HUWE1: variants seen among roughly 807,000 people sequenced by gnomAD.
HUWE1 encodes HECT, UBA and WWE domain containing E3 ubiquitin protein ligase 1.
A neutral mutation model predicts 299.4 loss-of-function variants in HUWE1; 18 were observed. That is an observed-to-expected ratio of 0.06 (90% CI 0.04 to 0.09). The LOEUF (loss-of-function observed/expected upper bound fraction) is 0.09. HUWE1 is among the 10% of genes least tolerant of loss of function. The pLI is 1.00. For synonymous variants in HUWE1, 1,317 were observed against 1,286.1 expected (o/e 1.02, Z -0.51); for missense variants, 1,832 against 3,462.3 (o/e 0.53, Z 11.82).
chrX:53,680,078 G>T lies in HUWE1; in HGVS notation c.-54C>A. ...AATCACAGCCAATCATACTCATCCT[G>T]GTGGGAAATTCCCCACACTGCTCCA... On this transcript the variant is annotated 5_prime_UTR_variant, in exon 3 of 84. Coordinates refer to ENST00000262854, the MANE Select transcript of HUWE1 (RefSeq NM_031407.7). 1 of 297,077 alleles carries T rather than the reference G, an allele frequency of 3.4e-6. No individual in the cohort carries two copies. The highest frequency in any genetic ancestry group is 5.9e-6 in the Non-Finnish European group (1 of 170,228). The allele number at this position is 297,077 out of a possible 1,213,427, so 24.5% of individuals were successfully genotyped here.
chrX:53,675,034 T>C (rs1190229143), intron 3 of HUWE1, among the ~76,000 whole-genome samples: 1 of 111,944 alleles, frequency 8.9e-6, no homozygotes, highest in Non-Finnish European at 1.9e-5. Context: ...ATTACTGTTT[T>C]ATAGATAAGA....
intron 69 of HUWE1, 39 bp downstream of exon 69, chrX:53,546,665 C>T (rs1299418043): frequency 8.3e-7 from 1 of 1,208,750 alleles, no homozygotes; most frequent in Non-Finnish European, 1.1e-6. Flanking sequence ...TTTATCCTTT[C>T]TCCCCAAGTC....
At chrX:53,543,529 GA>G (rs1293485717) in intron 73 of HUWE1, among the ~76,000 whole-genome samples, 1 of 110,397 alleles carries the variant, frequency 9.1e-6, no homozygotes, top group Admixed American at 9.7e-5. Context: ...CCATGGGACT[GA>G]AAAAAAACTT....
intron 76 of HUWE1, 134 bp downstream of exon 76, chrX:53,538,701 C>T (rs2061182032): frequency 2.5e-6 from 1 of 396,089 alleles, no homozygotes; most frequent in Non-Finnish European, 4.3e-6. Context: ...TGTATGTACA[C>T]ACACACACAC....
At chrX:53,576,246 T>C (rs1459057081) in intron 44 of HUWE1, among the ~76,000 whole-genome samples, 1 of 112,038 alleles carries the variant, frequency 8.9e-6, no homozygotes, top group Non-Finnish European at 1.9e-5. Flanking sequence ...TCATCAATTT[T>C]TGGCAATTCT....
chrX:53,559,467 C>T lies in HUWE1; in HGVS notation c.7802G>A (p.Arg2601Gln). The T allele has an allele frequency of 8.3e-7, 1 of 1,211,352 alleles. No individual in the cohort carries two copies. ...QLSSSLPLQS[R>Q]GRARLLVGND... ...GCCTACCAGGAGGCGGGCCCGACCC[C>T]GGCTTTGTAGGGGAAGGCTGCTGCT... is the stretch of plus-strand genomic sequence containing the variant. The change falls in exon 57 of 84, where the codon CGG (arginine) becomes CAG (glutamine). Residue 2601 changes from arginine (R) to glutamine (Q), a missense_variant. Physicochemically the swap from Arg to Gln is conservative, Grantham distance 43 (BLOSUM62 1). This residue lies in a region of HUWE1 where 170 missense variants were observed against 335.8 expected (regional missense o/e 0.51). Coordinates refer to ENST00000262854, the MANE Select transcript of HUWE1 (RefSeq NM_031407.7).
chrX:53,588,770 C>A (rs1345322787), intron 36 of HUWE1, among the ~76,000 whole-genome samples: 1 of 111,927 alleles, frequency 8.9e-6, no homozygotes, highest in Non-Finnish European at 1.9e-5. Flanking sequence ...AGCCTAAAAT[C>A]TAAGTTAAAG....
At chrX:53,640,113 C>T (rs1441542191) in intron 7 of HUWE1, among the ~76,000 whole-genome samples, 6 of 113,015 alleles carry the variant, frequency 5.3e-5, no homozygotes, top group African/African-American at 1.9e-4. Context: ...AATCCCAGCA[C>T]TTTGGGAGGC....
chrX:53,606,985 T>G (rs1556997261), intron 25 of HUWE1, among the ~76,000 whole-genome samples: 2 of 111,502 alleles, frequency 1.8e-5, no homozygotes, highest in African/African-American at 6.5e-5. Flanking sequence ...TTTACCACTA[T>G]GAAAAAATAA....
intron 3 of HUWE1, among the ~76,000 whole-genome samples, chrX:53,663,113 T>C (rs1557046200): frequency 8.9e-6 from 1 of 112,202 alleles, no homozygotes; most frequent in Non-Finnish European, 1.9e-5. Context: ...ATAGAGACAA[T>C]TTGACAAGCA....
chrX:53,577,162 G>C, intron 43 of HUWE1, 95 bp from the exon 44 acceptor site: 2 of 643,275 alleles, frequency 3.1e-6, no homozygotes, highest in Non-Finnish European at 5.2e-6. Context: ...GTATGATATA[G>C]AAGGCTTGAG....
chrX:53,560,086 C>G, intron 56 of HUWE1, 102 bp downstream of exon 56: 2 of 691,549 alleles, frequency 2.9e-6, no homozygotes, highest in Non-Finnish European at 4.5e-6. Flanking sequence ...ATGACAAGAA[C>G]ATTAAGTGAT....
chrX:53,679,176 A>G (rs2149629152), intron 3 of HUWE1, among the ~76,000 whole-genome samples: 1 of 111,636 alleles, frequency 9.0e-6, no homozygotes, highest in Non-Finnish European at 1.9e-5. Flanking sequence ...ATTGGAAGAA[A>G]AAAAAAACAA....
At chrX:53,643,355 CTT>C (rs797024550) in intron 7 of HUWE1, among the ~76,000 whole-genome samples, 1 of 103,657 alleles carries the variant, frequency 9.6e-6, no homozygotes. Flanking sequence ...CAATCATTTT[CTT>C]TTTTTTTTTG....
chrX:53,554,789 A>T lies in HUWE1; in HGVS notation c.8338T>A (p.Leu2780Met). 2.5e-6 allele frequency: 3 copies of T among 1,211,262 alleles called. No homozygotes were observed. The highest frequency in any genetic ancestry group is 3.4e-6 in the Non-Finnish European group (3 of 895,339). Residue 2780 changes from leucine to methionine, a missense_variant, in exon 61 of 84, where the codon TTG becomes ATG. Leu to Met is a conservative substitution (Grantham distance 15). Coordinates refer to ENST00000262854, the MANE Select transcript of HUWE1 (RefSeq NM_031407.7). ...QQPTLPTPPA[L>M]GEVPQELQSP... ...TGCAGCTCCTGAGGAACCTCTCCCA[A>T]AGCTGGTGGGGTTGGGAGTGTTGGT...
At chrX:53,550,139 CAG>C (rs1206919075) in intron 66 of HUWE1, among the ~76,000 whole-genome samples, 60 of 111,475 alleles carry the variant, frequency 5.4e-4, no homozygotes, top group African/African-American at 1.9e-3. Flanking sequence ...GAGAAGACAG[CAG>C]AGATTCCAGC....
At chrX:53,571,126 T>C (rs782008483) in intron 47 of HUWE1, among the ~76,000 whole-genome samples, 8 of 112,243 alleles carry the variant, frequency 7.1e-5, no homozygotes, top group African/African-American at 2.3e-4. Context: ...AAGAGATCAC[T>C]ATCAACAACC....
intron 26 of HUWE1, 115 bp from the exon 27 acceptor site, chrX:53,603,616 T>C: frequency 1.5e-6 from 1 of 661,672 alleles, no homozygotes; most frequent in Non-Finnish European, 2.4e-6. Context: ...TCATTGCTAT[T>C]CTCAGAGTTA....
intron 73 of HUWE1, 195 bp from the exon 74 acceptor site, chrX:53,542,734 G>A (rs782174287): frequency 2.2e-6 from 1 of 447,803 alleles, no homozygotes; most frequent in Non-Finnish European, 4.0e-6. Context: ...ACTGTGTTTT[G>A]TAAGCTTTTC....
Sources: allele counts gnomAD v4.1 joint callset (sites outside exome capture counted in the v4.1 genomes callset), GRCh38; gene constraint gnomAD v4.1.1; regional missense constraint gnomAD v4.1.1; transcripts MANE v1.5; gene names NCBI Gene and HGNC (gene_info 2026-07-23, HGNC 2026-07-21).